GOLGA8S: variants seen among roughly 807,000 people sequenced by gnomAD.
GOLGA8S encodes the protein golgin A8 family member S, also known as golgin subfamily A member 8S.
A neutral mutation model predicts 58.9 loss-of-function variants in GOLGA8S; 23 were observed. The ratio of observed to expected loss-of-function variants is 0.39; its 90% CI spans 0.28 to 0.55. The LOEUF (loss-of-function observed/expected upper bound fraction) is 0.55, where lower values mean the gene tolerates loss of function less well. Among genes scored for constraint, GOLGA8S ranks in the 20% least tolerant of loss-of-function variants. The probability of loss-of-function intolerance (pLI) is 0.63; values close to 1 mark genes in which losing one functional copy is unlikely to be tolerated. For missense variants in GOLGA8S, 266 were observed against 514.2 expected (o/e 0.52, Z 4.67); for synonymous variants, 84 against 195.7 (o/e 0.43, Z 4.76).
At chr15:23,361,315 G>A (rs1596016959) in exon 12 of GOLGA8S, 3 of 1,287,116 alleles carry the variant, frequency 2.3e-6, no homozygotes, top group Non-Finnish European at 3.4e-6. Context: ...GAGCGCTCCA[G>A]GCCCAGGTGG....
downstream of GOLGA8S, chr15:23,365,557 T>C: frequency 3.4e-6 from 1 of 295,894 alleles, no homozygotes; most frequent in South Asian, 3.4e-5. Context: ...GTTCTGCTGT[T>C]GTTTGATCTA....
Position 23,365,071 on chromosome 15 carries a change from C to T in GOLGA8S, c.1815C>T (p.Gly605=), listed in dbSNP as rs762558705. Reference sequence around the variant, plus strand: ...TGCAGGACCACCAGGAGCACCCAGGCTTGGGCAACAACTGCTGTGTGCCAT... The same window carrying T: ...TGCAGGACCACCAGGAGCACCCAGGTTTGGGCAACAACTGCTGTGTGCCAT... The change falls in exon 19 of 19, where the codon GGC becomes GGT. Residue 605 remains glycine (G), a synonymous_variant. Transcript: ENST00000562295. 4.4e-6 allele frequency: 7 copies of T among 1,580,998 alleles called. No individual in the cohort carries two copies. The Admixed American group carries it at 1.2e-4, about 27-fold the overall frequency.
chr15:23,365,612 C>T (rs1439312747), downstream of GOLGA8S: 2 of 270,134 alleles, frequency 7.4e-6, no homozygotes, highest in Non-Finnish European at 1.4e-5. Flanking sequence ...ATGTAGTTTG[C>T]CCCCAAGCGT....
chr15:23,358,318 G>A (rs1226404588), intron 4 of GOLGA8S, among the ~76,000 whole-genome samples, 154 bp from the exon 5 acceptor site: 27 of 152,356 alleles, frequency 1.8e-4, no homozygotes, highest in African/African-American at 6.3e-4. Context: ...CTCTGTCCTT[G>A]GGAGCTTGAG....
downstream of GOLGA8S, chr15:23,365,618 A>G: frequency 7.6e-6 from 2 of 263,932 alleles, no homozygotes; most frequent in Non-Finnish European, 1.5e-5. Flanking sequence ...TTTGCCCCCA[A>G]GCGTGCACTG....
At chr15:23,355,145 G>A (rs1438501961) in intron 1 of GOLGA8S, among the ~76,000 whole-genome samples, 26 of 42,804 alleles carry the variant, frequency 6.1e-4, no homozygotes, top group African/African-American at 1.1e-3. Context: ...CTCCTTTACT[G>A]GGCCCTCATC....
At chr15:23,367,573 T>C (rs578161925), downstream of GOLGA8S, among the ~76,000 whole-genome samples, 54 of 151,368 alleles carry the variant, frequency 3.6e-4, 1 homozygote, top group Non-Finnish European at 6.6e-4. Flanking sequence ...TACCACTCTT[T>C]GTGTAGGTAT....
At chr15:23,360,954 T>C in intron 11 of GOLGA8S, 139 bp downstream of exon 11, 1 of 704,850 alleles carries the variant, frequency 1.4e-6, no homozygotes, top group Admixed American at 2.0e-5. Flanking sequence ...AGACGGCAAG[T>C]CTTGTCATCT....
In GOLGA8S at chr15:23,365,074, G is replaced by C. The variant is rs1263537082; in HGVS notation, c.1818G>C (p.Leu606Phe). Residue 606 changes from leucine to phenylalanine, a missense_variant, in exon 19 of 19, where the codon TTG (leucine) becomes TTC (phenylalanine). Coordinates refer to ENST00000562295, the Ensembl canonical transcript of GOLGA8S. ...AGGACCACCAGGAGCACCCAGGCTT[G>C]GGCAACAACTGCTGTGTGCCATTCT... 9 of 1,580,916 alleles carry C rather than the reference G, an allele frequency of 5.7e-6. 1 individual carries two copies. Among genetic ancestry groups the C allele is most frequent in the Middle Eastern group, 2.3e-4 (1 of 4,412 alleles).
At chr15:23,358,202 T>C (rs1342075982) in intron 4 of GOLGA8S, among the ~76,000 whole-genome samples, 3 of 152,298 alleles carry the variant, frequency 2.0e-5, no homozygotes, top group Admixed American at 2.0e-4. Context: ...GGGGGGCCTT[T>C]CTCAAACTCC....
downstream of GOLGA8S, among the ~76,000 whole-genome samples, chr15:23,368,181 G>A (rs1454494922): frequency 6.6e-6 from 1 of 151,904 alleles, no homozygotes; most frequent in Non-Finnish European, 1.5e-5. Context: ...GCCAAGTTTT[G>A]TTAGAATGAA....
rs998226611 is a variant in GOLGA8S, at chr15:23,364,509, G to C, written c.1449-17G>C. ...CCGTCGGAGGGGCCCCAGCGTCTGA[G>C]CCCTGTCCTCCCGCAGGAAAATCCA... On this transcript the variant is annotated splice_polypyrimidine_tract_variant and intron_variant, in intron 16 of 18. Transcript: ENST00000562295. 6.2e-7 allele frequency: 1 copy of C among 1,604,144 alleles called. No homozygotes were observed. Among genetic ancestry groups the C allele is most frequent in the African/African-American group, 1.3e-5 (1 of 74,766 alleles).
intron 11 of GOLGA8S, among the ~76,000 whole-genome samples, 159 bp from the exon 12 acceptor site, chr15:23,361,062 G>C (rs1265962247): frequency 6.7e-6 from 1 of 149,938 alleles, no homozygotes; most frequent in Non-Finnish European, 1.5e-5. Context: ...GCTACCATCT[G>C]GGTGCGAGGA....
chr15:23,355,745 TG>T (rs1262817132), intron 1 of GOLGA8S, among the ~76,000 whole-genome samples: 1 of 61,740 alleles, frequency 1.6e-5, no homozygotes. Flanking sequence ...GGGTTTGACT[TG>T]GTTTGGTTTT....
At position 23,363,738 on chromosome 15, in the gene GOLGA8S, TC is replaced by T; in HGVS notation, c.1319del (p.Pro440HisfsTer10). ...GAGGCACCTCGGCCCATTCCTAGCATCCCACAGGACCTGGAGAGCAGGGAGG... is the reference window on the plus strand; with the variant it reads ...GAGGCACCTCGGCCCATTCCTAGCATCCACAGGACCTGGAGAGCAGGGAGG... On this transcript the variant is annotated frameshift_variant, in exon 15 of 19. Transcript: ENST00000562295. LOFTEE classifies it high-confidence loss of function. The T allele has an allele frequency of 1.7e-6, 1 of 594,884 alleles. No individual in the cohort carries two copies. Among genetic ancestry groups the T allele is most frequent in the Admixed American group, 3.7e-5 (1 of 27,216 alleles). 36.9% of individuals were successfully genotyped at this position (594,884 alleles called of 1,614,324 possible).
In GOLGA8S at chr15:23,364,514, G is replaced by A. The variant is rs748490363; in HGVS notation, c.1449-12G>A. 7 of 1,603,666 alleles carry A rather than the reference G, an allele frequency of 4.4e-6. No individual in the cohort carries two copies. Among genetic ancestry groups the A allele is most frequent in the Non-Finnish European group, 5.9e-6 (7 of 1,178,904 alleles). ...GGAGGGGCCCCAGCGTCTGAGCCCTGTCCTCCCGCAGGAAAATCCATCACC... is the reference window on the plus strand; with the variant it reads ...GGAGGGGCCCCAGCGTCTGAGCCCTATCCTCCCGCAGGAAAATCCATCACC... On this transcript the variant is annotated splice_polypyrimidine_tract_variant and intron_variant, in intron 16 of 18. Transcript: ENST00000562295.
At chr15:23,367,687 C>T (rs552288402), downstream of GOLGA8S, among the ~76,000 whole-genome samples, 1 of 151,740 alleles carries the variant, frequency 6.6e-6, no homozygotes, top group Admixed American at 6.6e-5. Flanking sequence ...CTCATTCAGC[C>T]GAGTATTTGT....
intron 16 of GOLGA8S, 39 bp downstream of exon 16, chr15:23,364,482 G>A (rs2344791): frequency 1.9e-6 from 3 of 1,605,404 alleles, no homozygotes; most frequent in East Asian, 2.2e-5. Flanking sequence ...GGAGCTACAG[G>A]GCCGTCGGAG....
In GOLGA8S at chr15:23,356,722, C is replaced by G; in HGVS notation, c.168+12C>G. The G allele has an allele frequency of 1.5e-5, 2 of 129,258 alleles. No homozygotes were observed. The highest frequency in any genetic ancestry group is 2.5e-5 in the Non-Finnish European group (2 of 79,474). The allele number at this position is 129,258 out of a possible 1,614,324, so 8.0% of individuals were successfully genotyped here. ...ACTCACCTGGAGATGTGAGTCTTGG[C>G]TGACTAGGTTCCTGGGGACAGGGGA... On this transcript the variant is annotated intron_variant, in intron 2 of 18. Coordinates refer to ENST00000562295, the Ensembl canonical transcript of GOLGA8S.
Sources: allele counts gnomAD v4.1 joint callset (sites outside exome capture counted in the v4.1 genomes callset), GRCh38; gene constraint gnomAD v4.1.1; transcripts MANE v1.5; gene names NCBI Gene and HGNC (gene_info 2026-07-23, HGNC 2026-07-21).